The following RASA1 variants were observed in gnomAD, a reference collection of about 807,000 sequenced individuals.
RASA1 encodes ras GTPase-activating protein 1.
In RASA1, 25 loss-of-function variants were observed where a neutral mutation model predicts 132.2. That is an observed-to-expected ratio of 0.19 (90% CI 0.14 to 0.26). The LOEUF (loss-of-function observed/expected upper bound fraction) is 0.26, where lower values mean the gene tolerates loss of function less well. Ranked by LOEUF, RASA1 falls within the 10% of genes least tolerant of loss-of-function variation. The pLI is 1.00. For synonymous variants in RASA1, 477 were observed against 449.9 expected, an observed-to-expected ratio of 1.06 and a Z score of -0.76; for missense variants, 964 against 1,299.2, an observed-to-expected ratio of 0.74 and a Z score of 3.97.
chr5:87,326,483 G>A (rs1757237842), intron 1 of RASA1, among the ~76,000 whole-genome samples: 1 of 152,190 alleles, frequency 6.6e-6, no homozygotes, highest in African/African-American at 2.4e-5. Flanking sequence ...AAAGCTAGCT[G>A]GGAAGACATG....
At chr5:87,269,923 A>G (rs1403472319) in intron 1 of RASA1, among the ~76,000 whole-genome samples, 1 of 152,100 alleles carries the variant, frequency 6.6e-6, no homozygotes, top group Non-Finnish European at 1.5e-5. Flanking sequence ...TAGATTTCTC[A>G]TATAACCCTT....
chr5:87,390,708 G>A lies in RASA1; in HGVS notation c.3061-92G>A, dbSNP rs565131915. On this transcript the variant is annotated intron_variant, in intron 24 of 24. Transcript: ENST00000274376. Reference sequence around the variant, plus strand: ...GTGGTAATATTTTATGCATCCTTTTGCTTTGATACAGTTTTTTTCAAATCC... The same window carrying A: ...GTGGTAATATTTTATGCATCCTTTTACTTTGATACAGTTTTTTTCAAATCC... 41 of 1,006,068 alleles carry A rather than the reference G, an allele frequency of 4.1e-5. No individual in the cohort carries two copies. In the African/African-American group the frequency reaches 6.0e-4, roughly 15 times the overall value. The allele number at this position is 1,006,068 out of a possible 1,614,324, so 62.3% of individuals were successfully genotyped here. A position where few individuals can be genotyped will look rare whatever the true frequency, so the allele number is the denominator to read the frequency against.
intron 1 of RASA1, among the ~76,000 whole-genome samples, chr5:87,296,926 A>G (rs1434429229): frequency 2.0e-5 from 3 of 151,860 alleles, no homozygotes; most frequent in African/African-American, 7.3e-5. Flanking sequence ...TTAGTTTCCT[A>G]CAGTTCTTGA....
intron 1 of RASA1, among the ~76,000 whole-genome samples, chr5:87,283,527 A>C (rs1404848545): frequency 6.6e-6 from 1 of 152,066 alleles, no homozygotes; most frequent in Non-Finnish European, 1.5e-5. Flanking sequence ...ATATGAAGAA[A>C]AACCAATCCT....
chr5:87,280,356 A>G (rs1754261914), intron 1 of RASA1, among the ~76,000 whole-genome samples: 2 of 151,528 alleles, frequency 1.3e-5, no homozygotes. Flanking sequence ...TCTGTTGCCT[A>G]GGCTGGAATG....
At chr5:87,334,190 C>G (rs1757796027) in intron 4 of RASA1, among the ~76,000 whole-genome samples, 1 of 152,038 alleles carries the variant, frequency 6.6e-6, no homozygotes, top group African/African-American at 2.4e-5. Flanking sequence ...CCCAAGAAAG[C>G]CAGTGGTATA....
At chr5:87,379,657 ATAAC>A (rs1355896297) in intron 18 of RASA1, 74 bp from the exon 19 acceptor site, 2 of 1,558,926 alleles carry the variant, frequency 1.3e-6, no homozygotes, top group African/African-American at 1.4e-5. Flanking sequence ...CTCGAAAACT[ATAAC>A]TACTTGTTTT....
chr5:87,279,438 G>A (rs1754215146), intron 1 of RASA1, among the ~76,000 whole-genome samples: 1 of 151,752 alleles, frequency 6.6e-6, no homozygotes, highest in Admixed American at 6.6e-5. Flanking sequence ...CTAGTTTTGG[G>A]TATTATAAAA....
intron 11 of RASA1, among the ~76,000 whole-genome samples, chr5:87,368,684 A>G (rs1644949146): frequency 6.6e-6 from 1 of 152,162 alleles, no homozygotes; most frequent in East Asian, 1.9e-4. Flanking sequence ...TCCTAGCACT[A>G]TCAAACTACT....
chr5:87,377,152 A>G, intron 17 of RASA1, 112 bp downstream of exon 17: 2 of 1,371,342 alleles, frequency 1.5e-6, no homozygotes, highest in Admixed American at 3.6e-5. Flanking sequence ...ATTGCAAAAT[A>G]AGTTATTCTG....
intron 1 of RASA1, among the ~76,000 whole-genome samples, chr5:87,295,685 T>C (rs1755090011): frequency 6.6e-6 from 1 of 151,640 alleles, no homozygotes; most frequent in Non-Finnish European, 1.5e-5. Context: ...CTGTTTGTGC[T>C]TTTTTTTGTA....
At chr5:87,312,567 G>T (rs1184438094) in intron 1 of RASA1, among the ~76,000 whole-genome samples, 4 of 152,122 alleles carry the variant, frequency 2.6e-5, no homozygotes, top group Non-Finnish European at 4.4e-5. Flanking sequence ...CATCTGAACG[G>T]GCCTAGAGAC....
At chr5:87,269,841 A>C (rs568585791) in intron 1 of RASA1, among the ~76,000 whole-genome samples, 1 of 152,318 alleles carries the variant, frequency 6.6e-6, no homozygotes, top group East Asian at 1.9e-4. Flanking sequence ...AATTGAACTT[A>C]GGTGTTTATT....
chr5:87,304,269 T>C (rs1755507164), intron 1 of RASA1, among the ~76,000 whole-genome samples: 1 of 152,194 alleles, frequency 6.6e-6, no homozygotes, highest in Non-Finnish European at 1.5e-5. Flanking sequence ...CTCTTATAAG[T>C]GGGTTTTATT....
chr5:87,309,862 A>G (rs1325691587), intron 1 of RASA1, among the ~76,000 whole-genome samples: 1 of 152,138 alleles, frequency 6.6e-6, no homozygotes, highest in African/African-American at 2.4e-5. Flanking sequence ...CTTTCCAAGC[A>G]TCTTACTGAA....
At chr5:87,308,420 A>AT (rs1045614180) in intron 1 of RASA1, among the ~76,000 whole-genome samples, 2 of 151,822 alleles carry the variant, frequency 1.3e-5, no homozygotes, top group African/African-American at 4.8e-5. Flanking sequence ...TGATCTTTTT[A>AT]TTTTTTATTT....
chr5:87,331,123 A>T, intron 1 of RASA1: 1 of 849,344 alleles, frequency 1.2e-6, no homozygotes, highest in Non-Finnish European at 1.8e-6. Context: ...TATATATGAG[A>T]TGACTAGGAC....
intron 1 of RASA1, among the ~76,000 whole-genome samples, chr5:87,289,305 G>A (rs566139564): frequency 6.6e-6 from 1 of 152,160 alleles, no homozygotes; most frequent in East Asian, 1.9e-4. Context: ...ACCTAAGTTT[G>A]GACTTGGTTA....
chr5:87,350,063 TA>T (rs1460183326), intron 8 of RASA1, among the ~76,000 whole-genome samples: 1 of 151,876 alleles, frequency 6.6e-6, no homozygotes, highest in Non-Finnish European at 1.5e-5. Flanking sequence ...TTGCCTAGTT[TA>T]ACCCCTCAGT....
Sources: allele counts gnomAD v4.1 joint callset (sites outside exome capture counted in the v4.1 genomes callset), GRCh38; gene constraint gnomAD v4.1.1; transcripts MANE v1.5; gene names NCBI Gene and HGNC (gene_info 2026-07-23, HGNC 2026-07-21).